The following FSIP1 variants were observed in gnomAD, a reference collection of about 807,000 sequenced individuals.
FSIP1 encodes the protein fibrous sheath-interacting protein 1.
Under a neutral mutation model 60.9 loss-of-function variants are expected in FSIP1, and 65 were observed. That is an observed-to-expected ratio of 1.07 (90% CI 0.87 to 1.31). FSIP1 has a LOEUF of 1.31. FSIP1 is among the 40% of genes most tolerant of loss of function. The pLI is 0.00. For missense variants in FSIP1, 675 were observed against 665.5 expected, an observed-to-expected ratio of 1.01 and a Z score of -0.16; for synonymous variants, 209 against 221.2, an observed-to-expected ratio of 0.94 and a Z score of 0.49.
intron 3 of FSIP1, among the ~76,000 whole-genome samples, chr15:39,768,779 C>A (rs928150602): frequency 6.6e-6 from 1 of 152,224 alleles, no homozygotes; most frequent in Non-Finnish European, 1.5e-5. Flanking sequence ...TACAGGTTAA[C>A]TGTTAAGTGA....
intron 10 of FSIP1, among the ~76,000 whole-genome samples, chr15:39,618,547 GC>G: frequency 6.6e-6 from 1 of 152,268 alleles, no homozygotes; most frequent in East Asian, 1.9e-4. Flanking sequence ...TGGGGATTCA[GC>G]ACTCCCATGT....
intron 10 of FSIP1, among the ~76,000 whole-genome samples, chr15:39,695,615 T>C (rs1327514823): frequency 6.6e-6 from 1 of 152,178 alleles, no homozygotes; most frequent in East Asian, 1.9e-4. Flanking sequence ...CTTCCCACAC[T>C]ATGCAAATTC....
chr15:39,752,629 C>A (rs1200588780), intron 5 of FSIP1, among the ~76,000 whole-genome samples: 1 of 151,838 alleles, frequency 6.6e-6, no homozygotes, highest in African/African-American at 2.4e-5. Context: ...CAGTACTCCT[C>A]AAAACTGTCA....
chr15:39,739,843 A>T, intron 6 of FSIP1, 54 bp from the exon 7 acceptor site: 11 of 1,136,598 alleles, frequency 9.7e-6, no homozygotes, highest in Non-Finnish European at 1.2e-5. Context: ...CAATTATGCT[A>T]AAAGTTCACT....
chr15:39,728,207 C>G (rs975860330), intron 8 of FSIP1, among the ~76,000 whole-genome samples: 1 of 152,198 alleles, frequency 6.6e-6, no homozygotes, highest in African/African-American at 2.4e-5. Context: ...AATGGCCATA[C>G]TGCCCAAAGC....
At chr15:39,682,754 T>C (rs114169667) in intron 10 of FSIP1, among the ~76,000 whole-genome samples, 1,695 of 152,306 alleles carry the variant, frequency 0.011, 43 homozygotes, top group African/African-American at 0.038. Flanking sequence ...GAAGACTACA[T>C]ATAACAAGAC....
intron 9 of FSIP1, among the ~76,000 whole-genome samples, chr15:39,720,293 G>C (rs1279948378): frequency 6.6e-6 from 1 of 152,124 alleles, no homozygotes; most frequent in African/African-American, 2.4e-5. Flanking sequence ...CAAGAAAGGA[G>C]ATCAATACAA....
At chr15:39,608,254 T>G (rs527314489) in intron 11 of FSIP1, among the ~76,000 whole-genome samples, 66 of 152,350 alleles carry the variant, frequency 4.3e-4, no homozygotes, top group African/African-American at 1.5e-3. Flanking sequence ...CATATTAACA[T>G]TATCTGGTAT....
At chr15:39,699,970 G>A (rs951556520) in intron 10 of FSIP1, among the ~76,000 whole-genome samples, 1 of 152,186 alleles carries the variant, frequency 6.6e-6, no homozygotes, top group African/African-American at 2.4e-5. Context: ...CCTCAGCTGG[G>A]AGCACTCACT....
chr15:39,757,819 G>A (rs1342777064), intron 5 of FSIP1, among the ~76,000 whole-genome samples: 1 of 152,164 alleles, frequency 6.6e-6, no homozygotes, highest in Non-Finnish European at 1.5e-5. Flanking sequence ...TAGCAAGAGT[G>A]AAGTGCAACA....
chr15:39,778,096 C>T (rs1688088), intron 1 of FSIP1, among the ~76,000 whole-genome samples: 1,691 of 152,276 alleles, frequency 0.011, 15 homozygotes, highest in African/African-American at 0.024. Context: ...TCAAACTCTG[C>T]AAAAGAGTTT....
intron 10 of FSIP1, among the ~76,000 whole-genome samples, chr15:39,622,894 G>A (rs907315948): frequency 5.9e-5 from 9 of 152,142 alleles, no homozygotes; most frequent in Middle Eastern, 3.4e-3. Flanking sequence ...AACTCTCCCC[G>A]CAGAACAGTT....
At chr15:39,600,990 ACAACT>A in intron 11 of FSIP1, 64 bp from the exon 12 acceptor site, 1 of 1,266,772 alleles carries the variant, frequency 7.9e-7, no homozygotes, top group Non-Finnish European at 1.1e-6. Flanking sequence ...ATTAAGAAAA[ACAACT>A]CAGCCTATAA....
At chr15:39,689,853 T>C (rs1229866967) in intron 10 of FSIP1, among the ~76,000 whole-genome samples, 1 of 152,232 alleles carries the variant, frequency 6.6e-6, no homozygotes, top group Non-Finnish European at 1.5e-5. Context: ...GAGTCCATTA[T>C]CATTTTCTAC....
intron 10 of FSIP1, among the ~76,000 whole-genome samples, chr15:39,712,219 C>T (rs1895547090): frequency 6.6e-6 from 1 of 151,684 alleles, no homozygotes; most frequent in Non-Finnish European, 1.5e-5. Context: ...AGTGGGCCTG[C>T]AGGCAGTGAG....
rs753702578 is a variant in FSIP1, at chr15:39,618,213, CT to C, written c.1220del (p.Gln407ArgfsTer2). On this transcript the variant is annotated frameshift_variant, in exon 11 of 12. Coordinates refer to ENST00000350221, the MANE Select transcript of FSIP1 (RefSeq NM_152597.5). LOFTEE classifies it high-confidence loss of function. ...TGCATTCATCCAGAAGACACTTTAA[CT>C]GTTCTTCAGAGAGACATGATGTGGA... Reference protein sequence around the residue: ...LESTSCLSEEQLKCLLDECIL... With the variant: ...LESTSCLSEEXLKCLLDECIL... The C allele has an allele frequency of 8.1e-6, 13 of 1,610,954 alleles. No individual in the cohort carries two copies. The highest frequency in any genetic ancestry group is 1.1e-5 in the Non-Finnish European group (13 of 1,177,530).
intron 10 of FSIP1, among the ~76,000 whole-genome samples, chr15:39,705,999 A>C (rs1895251844): frequency 2.7e-4 from 2 of 7,502 alleles, no homozygotes; most frequent in South Asian, 0.012. Flanking sequence ...CTCGGTCTCA[A>C]AAAAAAAAAA....
At chr15:39,685,304 C>A (rs1894321308) in intron 10 of FSIP1, among the ~76,000 whole-genome samples, 1 of 152,008 alleles carries the variant, frequency 6.6e-6, no homozygotes. Context: ...TAGTACTTAC[C>A]AGATGTTAAG....
chr15:39,632,723 T>C (rs1280152956), intron 10 of FSIP1, among the ~76,000 whole-genome samples: 2 of 151,730 alleles, frequency 1.3e-5, no homozygotes, highest in African/African-American at 4.8e-5. Flanking sequence ...AACCAGGGAG[T>C]CAGAGGTTGC....
Sources: allele counts gnomAD v4.1 joint callset (sites outside exome capture counted in the v4.1 genomes callset), GRCh38; gene constraint gnomAD v4.1.1; transcripts MANE v1.5; gene names NCBI Gene and HGNC (gene_info 2026-07-23, HGNC 2026-07-21).